Variants in TBC1D4 observed in about 807,000 individuals in gnomAD.
The protein encoded by TBC1D4 is TBC1 domain family member 4, also known as TBC (Tre-2, BUB2, CDC16) domain-containing protein.
In TBC1D4, 121 loss-of-function variants were observed where a neutral mutation model predicts 142.5. The observed-to-expected ratio is 0.85, with a 90% CI of 0.73 to 0.99. TBC1D4 has a LOEUF of 0.99. Among genes scored for constraint, TBC1D4 ranks in the 50% least tolerant of loss-of-function variants. The pLI is 0.00. For missense variants in TBC1D4, 1,475 were observed against 1,606.6 expected (o/e 0.92, Z 1.40); for synonymous variants, 630 against 628.2 (o/e 1.00, Z -0.04).
intron 1 of TBC1D4, among the ~76,000 whole-genome samples, chr13:75,400,646 T>TC (rs56259433): frequency 6.6e-6 from 1 of 150,532 alleles, no homozygotes; most frequent in African/African-American, 2.4e-5. Flanking sequence ...TTTTTTTTTT[T>TC]AGTAGAGACA....
At chr13:75,474,486 A>C (rs753786250) in intron 1 of TBC1D4, among the ~76,000 whole-genome samples, 1 of 151,718 alleles carries the variant, frequency 6.6e-6, no homozygotes, top group East Asian at 2.0e-4. Context: ...GTGAACCCGG[A>C]AGGCGGAGCT....
intron 1 of TBC1D4, chr13:75,367,043 T>C (rs1882954640): frequency 1.1e-6 from 1 of 932,328 alleles, no homozygotes; most frequent in African/African-American, 1.8e-5. Context: ...TTTCATTGTA[T>C]TTATTAAAGT....
At chr13:75,389,809 G>C (rs1373324935) in intron 1 of TBC1D4, among the ~76,000 whole-genome samples, 1 of 152,176 alleles carries the variant, frequency 6.6e-6, no homozygotes, top group African/African-American at 2.4e-5. Flanking sequence ...GATTGTGCTA[G>C]TCAGATGTGG....
chr13:75,345,482 A>G (rs1046790901), intron 5 of TBC1D4, among the ~76,000 whole-genome samples: 1 of 152,220 alleles, frequency 6.6e-6, no homozygotes, highest in African/African-American at 2.4e-5. Context: ...CCCTTCAGAT[A>G]CATGCATGCC....
At chr13:75,317,462 C>A (rs961296591) in intron 12 of TBC1D4, among the ~76,000 whole-genome samples, 5 of 152,094 alleles carry the variant, frequency 3.3e-5, no homozygotes, top group African/African-American at 4.8e-5. Flanking sequence ...AAAATGTATA[C>A]ACTTTTAACT....
At position 75,360,906 on chromosome 13, in the gene TBC1D4, A is replaced by C. The variant is rs535559446; in HGVS notation, c.1081-1048T>G. Among the ~76,000 whole-genome samples, 20 of 152,320 alleles carry C rather than the reference A, an allele frequency of 1.3e-4. No homozygotes were observed. In the South Asian group the frequency reaches 4.1e-3, roughly 32 times the overall value. On this transcript the variant is annotated intron_variant, in intron 2 of 20. Transcript: ENST00000377636. ...GAACTTCCGATAAAGCAAACTTCTG[A>C]TATTACACACCGGTACTATTTACCA...
At chr13:75,383,649 C>A (rs894704021) in intron 1 of TBC1D4, among the ~76,000 whole-genome samples, 2 of 151,922 alleles carry the variant, frequency 1.3e-5, no homozygotes, top group African/African-American at 4.8e-5. Flanking sequence ...ATTATTGTTG[C>A]TAATTTCTTG....
intron 19 of TBC1D4, among the ~76,000 whole-genome samples, chr13:75,291,099 G>C (rs117296420): frequency 2.0e-5 from 3 of 152,056 alleles, no homozygotes; most frequent in Admixed American, 2.0e-4. Flanking sequence ...CTACACATAC[G>C]GTGTGCAGAT....
rs370006455 is a variant in TBC1D4 at position 75,361,672 on chromosome 13, G to A, written c.1080+354C>T. Among the ~76,000 whole-genome samples the A allele has an allele frequency of 4.6e-5, 7 of 152,130 alleles. No homozygotes were observed. The South Asian group carries it at 1.0e-3, about 23-fold the overall frequency. On this transcript the variant is annotated intron_variant, in intron 2 of 20. Transcript: ENST00000377636. ...CGGAATTACAGGCGTGAGCCCCCGC[G>A]CCGGGCCTACAATTTTTTTTTAAGC...
rs1028910988 is a variant in TBC1D4 at position 75,284,505 on chromosome 13, G to C, written c.*2287C>G. 1.3e-5 allele frequency among the ~76,000 whole-genome samples: 2 copies of C among 152,100 alleles called. No homozygotes were observed. Among genetic ancestry groups the C allele is most frequent in the African/African-American group, 4.8e-5 (2 of 41,412 alleles). ...GCTCCTATGAGAATCTAATGCCGTG[G>C]CTGATCTGACAGGAGTCAGAGCTCA... On this transcript the variant is annotated 3_prime_UTR_variant, in exon 21 of 21. Coordinates refer to ENST00000377636, the MANE Select transcript of TBC1D4 (RefSeq NM_014832.5).
intron 1 of TBC1D4, among the ~76,000 whole-genome samples, chr13:75,410,065 C>T (rs753032450): frequency 6.6e-6 from 1 of 152,158 alleles, no homozygotes; most frequent in African/African-American, 2.4e-5. Context: ...CTTGTATAAA[C>T]AAAATAACAG....
At chr13:75,385,537 G>A (rs1884116444) in intron 1 of TBC1D4, among the ~76,000 whole-genome samples, 1 of 152,230 alleles carries the variant, frequency 6.6e-6, no homozygotes, top group East Asian at 1.9e-4. Context: ...GCTGATAACA[G>A]CCTCTGCGTG....
At chr13:75,329,434 TTCTC>T (rs143605314) in intron 8 of TBC1D4, among the ~76,000 whole-genome samples, 41 of 143,886 alleles carry the variant, frequency 2.8e-4, no homozygotes, top group Non-Finnish European at 3.7e-4. Flanking sequence ...CTCTCTCTCT[TTCTC>T]TCTCTCTCTC....
At chr13:75,326,161 G>T (rs369440468) in intron 10 of TBC1D4, 36 bp downstream of exon 10, 3 of 1,607,742 alleles carry the variant, frequency 1.9e-6, no homozygotes, top group African/African-American at 1.3e-5. Flanking sequence ...TGTGCCTTGA[G>T]AATCTAGGTC....
At chr13:75,391,092 A>C (rs1884463065) in intron 1 of TBC1D4, among the ~76,000 whole-genome samples, 1 of 143,320 alleles carries the variant, frequency 7.0e-6, no homozygotes, top group African/African-American at 2.6e-5. Flanking sequence ...TGTATATCAG[A>C]TGTCATGGCC....
chr13:75,346,715 A>ATT (rs1174667209), intron 5 of TBC1D4, among the ~76,000 whole-genome samples: 1 of 152,170 alleles, frequency 6.6e-6, no homozygotes, highest in African/African-American at 2.4e-5. Flanking sequence ...CCCTTGAGGA[A>ATT]TTGCCAGACT....
chr13:75,292,414 A>G, intron 18 of TBC1D4, 143 bp from the exon 19 acceptor site: 1 of 658,474 alleles, frequency 1.5e-6, no homozygotes, highest in Non-Finnish European at 2.6e-6. Flanking sequence ...GCTTTTTTTT[A>G]AAAAAGCAAT....
chr13:75,464,259 T>C (rs1250171153), intron 1 of TBC1D4, among the ~76,000 whole-genome samples: 1 of 152,204 alleles, frequency 6.6e-6, no homozygotes, highest in East Asian at 1.9e-4. Flanking sequence ...CACTGTGACA[T>C]GTTCGTGATG....
chr13:75,419,755 C>T (rs983125272), intron 1 of TBC1D4, among the ~76,000 whole-genome samples: 1 of 152,156 alleles, frequency 6.6e-6, no homozygotes, highest in South Asian at 2.1e-4. Flanking sequence ...AAAAAATCTT[C>T]GCTGAGTGCT....
Sources: allele counts gnomAD v4.1 joint callset (sites outside exome capture counted in the v4.1 genomes callset), GRCh38; gene constraint gnomAD v4.1.1; transcripts MANE v1.5; gene names NCBI Gene and HGNC (gene_info 2026-07-23, HGNC 2026-07-21).